The following HECW2 variants were observed in gnomAD, a reference collection of about 807,000 sequenced individuals.
The protein encoded by HECW2 is E3 ubiquitin-protein ligase HECW2.
HECW2 carries 61 observed loss-of-function variants against 175.2 expected under a neutral mutation model. The ratio of observed to expected loss-of-function variants is 0.35; its 90% CI spans 0.28 to 0.43. The LOEUF is 0.43. Among genes scored for constraint, HECW2 ranks in the 20% least tolerant of loss-of-function variants. The pLI is 1.00. For synonymous variants in HECW2, 671 were observed against 731.0 expected (o/e 0.92, Z 1.32); for missense variants, 1,524 against 2,000.5 (o/e 0.76, Z 4.54).
chr2:196,271,340 G>C (rs1689729852), intron 16 of HECW2, 51 bp from the exon 17 acceptor site: 1 of 1,339,776 alleles, frequency 7.5e-7, no homozygotes, highest in Non-Finnish European at 1.1e-6. Flanking sequence ...TCTATTTTTA[G>C]TTTTATGTAT....
intron 1 of HECW2, among the ~76,000 whole-genome samples, chr2:196,471,891 A>G (rs1210704920): frequency 1.3e-5 from 2 of 152,018 alleles, no homozygotes; most frequent in African/African-American, 4.8e-5. Flanking sequence ...TGGGTGATGA[A>G]ATAATCTGTA....
At chr2:196,337,970 A>G (rs577419434) in intron 3 of HECW2, among the ~76,000 whole-genome samples, 14 of 152,280 alleles carry the variant, frequency 9.2e-5, no homozygotes, top group African/African-American at 3.1e-4. Flanking sequence ...CAGATTTAGC[A>G]CTCTGTATTT....
intron 19 of HECW2, chr2:196,242,626 A>G (rs1688499956): frequency 1.9e-5 from 3 of 154,658 alleles, no homozygotes; most frequent in Admixed American, 6.5e-5. Context: ...AGTGGCACCA[A>G]GAGTGAGGTT....
Position 196,433,458 on chromosome 2 carries a change from G to A in HECW2, c.-35C>T. The A allele has an allele frequency of 6.3e-7, 1 of 1,594,900 alleles. No homozygotes were observed. ...TTCTCTGGGATTGGCTGCCTACAAA[G>A]CTGCAAGAGACAGATAAACATAAAA... On this transcript the variant is annotated splice_region_variant and 5_prime_UTR_variant, in exon 2 of 29. Transcript: ENST00000644978.
chr2:196,578,761 T>C (rs1247812107), intron 1 of HECW2, among the ~76,000 whole-genome samples: 1 of 152,140 alleles, frequency 6.6e-6, no homozygotes, highest in Non-Finnish European at 1.5e-5. Context: ...AAAACTATCC[T>C]TCAAAAAATG....
intron 2 of HECW2, among the ~76,000 whole-genome samples, chr2:196,363,611 G>C (rs767030792): frequency 9.9e-5 from 15 of 152,148 alleles, no homozygotes; most frequent in African/African-American, 3.6e-4. Flanking sequence ...TAGGAGGGTC[G>C]CATGAGGCCA....
intron 4 of HECW2, 36 bp downstream of exon 4, chr2:196,334,388 G>GATCTCAC: frequency 6.8e-7 from 1 of 1,481,204 alleles, no homozygotes; most frequent in Non-Finnish European, 9.3e-7. Context: ...ACCCAGCATG[G>GATCTCAC]ATCTCACAAG....
At chr2:196,294,783 C>T (rs1174801322) in intron 13 of HECW2, among the ~76,000 whole-genome samples, 1 of 152,162 alleles carries the variant, frequency 6.6e-6, no homozygotes, top group Non-Finnish European at 1.5e-5. Context: ...TTTGACACAG[C>T]AAGTGGCAAT....
At chr2:196,363,257 T>A (rs978962904) in intron 2 of HECW2, among the ~76,000 whole-genome samples, 4 of 152,052 alleles carry the variant, frequency 2.6e-5, no homozygotes, top group African/African-American at 9.7e-5. Context: ...CAGGGACACA[T>A]AGAAGATGCT....
chr2:196,211,406 G>T (rs146099016), intron 28 of HECW2, among the ~76,000 whole-genome samples: 6 of 152,078 alleles, frequency 3.9e-5, no homozygotes, highest in African/African-American at 1.4e-4. Flanking sequence ...GCTAACCACC[G>T]ACCGCGAAGC....
rs750164084 is a variant in HECW2, at chr2:196,318,515, G to A, written c.2338+37C>T. 1.2e-5 allele frequency: 17 copies of A among 1,445,628 alleles called. No individual in the cohort carries two copies. In the East Asian group the frequency reaches 3.5e-4, roughly 30 times the overall value. The allele number at this position is 1,445,628 out of a possible 1,614,324, so 89.6% of individuals were successfully genotyped here. ...ACAGAACTTCTCTCTGCACAGCTAC[G>A]CTCGAGCCAAGAGCCACAGTGGTGT... On this transcript the variant is annotated intron_variant, in intron 9 of 28. Transcript: ENST00000644978.
At chr2:196,338,956 A>G (rs1692649019) in intron 3 of HECW2, among the ~76,000 whole-genome samples, 1 of 152,184 alleles carries the variant, frequency 6.6e-6, no homozygotes, top group African/African-American at 2.4e-5. Flanking sequence ...TGTCACTGGA[A>G]GTTGTCTTCT....
chr2:196,529,475 T>G (rs1416849373), intron 1 of HECW2, among the ~76,000 whole-genome samples: 6 of 152,222 alleles, frequency 3.9e-5, no homozygotes, highest in Non-Finnish European at 7.3e-5. Flanking sequence ...ACCTTACTTC[T>G]TCATCTGTCA....
At chr2:196,514,681 C>T (rs989954819) in intron 1 of HECW2, among the ~76,000 whole-genome samples, 1 of 152,172 alleles carries the variant, frequency 6.6e-6, no homozygotes, top group Non-Finnish European at 1.5e-5. Context: ...GGAACAACCC[C>T]CCTGAGGACA....
chr2:196,323,531 T>G (rs1238001176), intron 6 of HECW2, among the ~76,000 whole-genome samples: 1 of 152,222 alleles, frequency 6.6e-6, no homozygotes, highest in East Asian at 1.9e-4. Flanking sequence ...TATCTAGTCA[T>G]AACAATTAAG....
At chr2:196,411,749 G>A (rs931896663) in intron 2 of HECW2, among the ~76,000 whole-genome samples, 1 of 152,254 alleles carries the variant, frequency 6.6e-6, no homozygotes, top group Non-Finnish European at 1.5e-5. Flanking sequence ...GGTGGCTCAC[G>A]CCTGTAATCC....
At chr2:196,246,810 C>A (rs530718427) in intron 19 of HECW2, among the ~76,000 whole-genome samples, 1 of 152,264 alleles carries the variant, frequency 6.6e-6, no homozygotes, top group Non-Finnish European at 1.5e-5. Context: ...CCATCAATAT[C>A]AATACAGACA....
At chr2:196,395,680 T>G (rs1006560154) in intron 2 of HECW2, among the ~76,000 whole-genome samples, 1 of 148,176 alleles carries the variant, frequency 6.7e-6, no homozygotes, top group Admixed American at 6.8e-5. Context: ...ATGATACCAC[T>G]GTGCACCCAT....
At chr2:196,264,864 G>T (rs1320465278) in intron 17 of HECW2, among the ~76,000 whole-genome samples, 1 of 152,134 alleles carries the variant, frequency 6.6e-6, no homozygotes, top group Non-Finnish European at 1.5e-5. Flanking sequence ...TAGATGACAG[G>T]TTCTAAGAAT....
Sources: allele counts gnomAD v4.1 joint callset (sites outside exome capture counted in the v4.1 genomes callset), GRCh38; gene constraint gnomAD v4.1.1; transcripts MANE v1.5; gene names NCBI Gene and HGNC (gene_info 2026-07-23, HGNC 2026-07-21).